Variants in SHQ1 observed in about 807,000 individuals in gnomAD.
SHQ1 encodes SHQ1, H/ACA ribonucleoprotein assembly factor.
Under a neutral mutation model 53.8 loss-of-function variants are expected in SHQ1, and 49 were observed. The ratio of observed to expected loss-of-function variants is 0.91; its 90% CI spans 0.72 to 1.16. The LOEUF (loss-of-function observed/expected upper bound fraction) is 1.16. SHQ1 is among the 50% of genes most tolerant of loss of function. SHQ1 has a pLI of 0.00. For synonymous variants in SHQ1, 243 were observed against 251.0 expected (o/e 0.97, Z 0.30); for missense variants, 738 against 683.1 (o/e 1.08, Z -0.90).
chr3:72,772,686 G>T, intron 10 of SHQ1: 1 of 725,322 alleles, frequency 1.4e-6, no homozygotes, highest in Non-Finnish European at 2.6e-6. Flanking sequence ...TCAAGTAAGA[G>T]CTTGATGGTG....
chr3:72,761,676 T>C lies in SHQ1; in HGVS notation c.1182-10840A>G, dbSNP rs1262549459. Among the ~76,000 whole-genome samples, 4 of 152,280 alleles carry C rather than the reference T, an allele frequency of 2.6e-5. No individual in the cohort carries two copies. In the East Asian group the frequency reaches 7.7e-4, roughly 29 times the overall value. On this transcript the variant is annotated intron_variant, in intron 10 of 10. Coordinates refer to ENST00000325599, the MANE Select transcript of SHQ1 (RefSeq NM_018130.3). ...TATTTCACATGGTAAACTCATGAAG[T>C]ACTTACAGCAACCCTGTGAGATAGG...
chr3:72,727,639 G>GC, the SHQ1 span, among the ~76,000 whole-genome samples: 1 of 152,118 alleles, frequency 6.6e-6, no homozygotes, highest in South Asian at 2.1e-4. Flanking sequence ...GTTTTCAATC[G>GC]CAAGTCAGCC....
At chr3:72,819,371 A>G (rs1707409687) in intron 6 of SHQ1, among the ~76,000 whole-genome samples, 1 of 152,144 alleles carries the variant, frequency 6.6e-6, no homozygotes, top group African/African-American at 2.4e-5. Context: ...CAAAGCTACC[A>G]TATCTCTACT....
intron 3 of SHQ1, among the ~76,000 whole-genome samples, chr3:72,841,760 G>C (rs563977006): frequency 6.6e-6 from 1 of 152,306 alleles, no homozygotes; most frequent in African/African-American, 2.4e-5. Flanking sequence ...TTCTACCTCA[G>C]ATCATCAGGC....
chr3:72,792,804 A>C (rs1393528418), intron 10 of SHQ1, 112 bp downstream of exon 10: 10 of 782,000 alleles, frequency 1.3e-5, no homozygotes, highest in South Asian at 1.9e-5. Flanking sequence ...AAAAAAAAAA[A>C]AAAAAAACAC....
downstream of SHQ1, among the ~76,000 whole-genome samples, chr3:72,748,328 G>GC (rs1440480579): frequency 8.7e-4 from 23 of 26,410 alleles, no homozygotes; most frequent in Admixed American, 1.9e-3. Flanking sequence ...TATGAGGCAT[G>GC]CAAAAAAAAA....
chr3:72,782,171 C>T (rs1706092508), intron 10 of SHQ1, among the ~76,000 whole-genome samples: 1 of 152,094 alleles, frequency 6.6e-6, no homozygotes, highest in Non-Finnish European at 1.5e-5. Context: ...CATGTAATAG[C>T]TAATATTTCC....
the SHQ1 span, among the ~76,000 whole-genome samples, chr3:72,725,947 C>T: frequency 2.6e-5 from 4 of 152,230 alleles, no homozygotes; most frequent in Admixed American, 2.6e-4. Flanking sequence ...TATTATTTAA[C>T]CCTCCCAACA....
chr3:72,753,715 G>GCTTTGGTGAATC, intron 10 of SHQ1: 1 of 817,134 alleles, frequency 1.2e-6, no homozygotes, highest in Non-Finnish European at 1.5e-6. Flanking sequence ...GTCAGTTAAT[G>GCTTTGGTGAATC]ATTCACCAAA....
At chr3:72,808,422 CTAAGT>C (rs1470790382) in intron 9 of SHQ1, among the ~76,000 whole-genome samples, 1 of 152,154 alleles carries the variant, frequency 6.6e-6, no homozygotes, top group Non-Finnish European at 1.5e-5. Flanking sequence ...TGCACAGACT[CTAAGT>C]TACACAGATC....
chr3:72,781,075 T>C (rs1376407075), intron 10 of SHQ1, among the ~76,000 whole-genome samples: 12 of 151,198 alleles, frequency 7.9e-5, no homozygotes, highest in African/African-American at 2.9e-4. Flanking sequence ...CTTTTTTTTT[T>C]TTTTGAGACA....
chr3:72,758,090 A>C (rs936987360), intron 10 of SHQ1, among the ~76,000 whole-genome samples: 2 of 152,204 alleles, frequency 1.3e-5, no homozygotes, highest in African/African-American at 4.8e-5. Context: ...ATGTAGCCTG[A>C]TCTAAAGGTA....
intron 9 of SHQ1, among the ~76,000 whole-genome samples, chr3:72,808,689 TGGGGTGTCC>T (rs1424558161): frequency 6.6e-6 from 1 of 152,128 alleles, no homozygotes; most frequent in East Asian, 1.9e-4. Context: ...ATTTAAATTA[TGGGGTGTCC>T]GAACAAACGA....
intron 5 of SHQ1, among the ~76,000 whole-genome samples, chr3:72,830,379 A>G (rs150174995): frequency 6.6e-6 from 1 of 150,824 alleles, no homozygotes; most frequent in Admixed American, 6.6e-5. Flanking sequence ...TCTTATATAC[A>G]TTATTATGCT....
chr3:72,812,297 C>G (rs1707148992), intron 9 of SHQ1, among the ~76,000 whole-genome samples: 1 of 152,168 alleles, frequency 6.6e-6, no homozygotes. Flanking sequence ...CTGTAAACTT[C>G]AACAGAGCAG....
intron 10 of SHQ1, among the ~76,000 whole-genome samples, chr3:72,761,100 A>G (rs1336753132): frequency 6.6e-6 from 1 of 152,226 alleles, no homozygotes; most frequent in African/African-American, 2.4e-5. Context: ...ACGCATTAAT[A>G]TATATCTGAC....
chr3:72,788,195 C>G (rs1283374759), intron 10 of SHQ1, among the ~76,000 whole-genome samples: 1 of 151,246 alleles, frequency 6.6e-6, no homozygotes, highest in African/African-American at 2.4e-5. Context: ...ATGTGAGGAG[C>G]CCCTCTGCCC....
the SHQ1 span, among the ~76,000 whole-genome samples, chr3:72,744,173 C>A: frequency 1.3e-5 from 2 of 152,274 alleles, no homozygotes; most frequent in South Asian, 2.1e-4. Context: ...TATTTCAGAC[C>A]AAGCCGGGCT....
At chr3:72,826,133 T>C (rs1357368466) in intron 5 of SHQ1, among the ~76,000 whole-genome samples, 2 of 152,186 alleles carry the variant, frequency 1.3e-5, no homozygotes, top group African/African-American at 4.8e-5. Context: ...CCAACATAAA[T>C]ATTCCATTTT....
Sources: allele counts gnomAD v4.1 joint callset (sites outside exome capture counted in the v4.1 genomes callset), GRCh38; gene constraint gnomAD v4.1.1; transcripts MANE v1.5; gene names NCBI Gene and HGNC (gene_info 2026-07-23, HGNC 2026-07-21).